Variants in TAF1B observed in about 807,000 individuals in gnomAD.
TAF1B encodes TATA box-binding protein-associated factor RNA polymerase I subunit B.
In TAF1B, 61 loss-of-function variants were observed where a neutral mutation model predicts 83.9. That is an observed-to-expected ratio of 0.73 (90% CI 0.59 to 0.90). The LOEUF is 0.90. Ranked by LOEUF, TAF1B falls within the 40% of genes least tolerant of loss-of-function variation. The pLI is 0.00. For synonymous variants in TAF1B, 221 were observed against 224.6 expected, an observed-to-expected ratio of 0.98 and a Z score of 0.14; for missense variants, 625 against 677.0, an observed-to-expected ratio of 0.92 and a Z score of 0.85.
intron 12 of TAF1B, among the ~76,000 whole-genome samples, chr2:9,918,592 T>A (rs1665772830): frequency 6.6e-6 from 1 of 152,212 alleles, no homozygotes; most frequent in Non-Finnish European, 1.5e-5. Flanking sequence ...TTTCCTGGCA[T>A]CAGATGCCAG....
At chr2:9,854,495 C>A in intron 5 of TAF1B, 74 bp downstream of exon 5, 1 of 1,066,440 alleles carries the variant, frequency 9.4e-7, no homozygotes, top group Non-Finnish European at 1.4e-6. Flanking sequence ...GGGTTCATGA[C>A]CAGTTTGAGT....
chr2:9,850,160 G>T (rs1344703314), intron 3 of TAF1B, among the ~76,000 whole-genome samples: 2 of 151,916 alleles, frequency 1.3e-5, no homozygotes, highest in Non-Finnish European at 2.9e-5. Flanking sequence ...TTTTTATTAG[G>T]CTAAAACCTG....
At chr2:9,864,493 C>T (rs1005056031) in intron 5 of TAF1B, among the ~76,000 whole-genome samples, 3 of 152,212 alleles carry the variant, frequency 2.0e-5, no homozygotes, top group Admixed American at 1.3e-4. Flanking sequence ...GATTCACAGC[C>T]GAATTCTACC....
intron 8 of TAF1B, among the ~76,000 whole-genome samples, chr2:9,891,678 C>T (rs1664878279): frequency 6.6e-6 from 1 of 152,030 alleles, no homozygotes; most frequent in African/African-American, 2.4e-5. Flanking sequence ...CATGTTATTG[C>T]CCCTAACCCC....
At chr2:9,897,651 T>C (rs894561088) in intron 8 of TAF1B, among the ~76,000 whole-genome samples, 2 of 152,196 alleles carry the variant, frequency 1.3e-5, no homozygotes, top group Non-Finnish European at 2.9e-5. Context: ...TTCTTTTGGT[T>C]GAAGGAAGAA....
At chr2:9,877,746 T>C (rs995021351) in intron 7 of TAF1B, among the ~76,000 whole-genome samples, 8 of 152,104 alleles carry the variant, frequency 5.3e-5, no homozygotes, top group Non-Finnish European at 8.8e-5. Context: ...GTGGAGAAAG[T>C]CGTATTTACC....
At chr2:9,845,935 A>G in intron 2 of TAF1B, 1 of 365,540 alleles carries the variant, frequency 2.7e-6, no homozygotes, top group South Asian at 2.3e-5. Flanking sequence ...GTGAGACGAG[A>G]TCACGCCACT....
At chr2:9,866,804 G>A (rs1195313829) in intron 5 of TAF1B, among the ~76,000 whole-genome samples, 1 of 152,272 alleles carries the variant, frequency 6.6e-6, no homozygotes, top group African/African-American at 2.4e-5. Context: ...GGTGAAGCTG[G>A]AAACCATCAT....
At chr2:9,903,223 C>G (rs1395327450) in intron 8 of TAF1B, among the ~76,000 whole-genome samples, 1 of 152,038 alleles carries the variant, frequency 6.6e-6, no homozygotes, top group Non-Finnish European at 1.5e-5. Flanking sequence ...GTAGCTGGGA[C>G]TACAGGCGCC....
At chr2:9,876,498 G>T (rs4669476) in intron 7 of TAF1B, among the ~76,000 whole-genome samples, 1 of 151,954 alleles carries the variant, frequency 6.6e-6, no homozygotes, top group African/African-American at 2.4e-5. Flanking sequence ...GATAGTAAGC[G>T]TTTATATTTT....
At chr2:9,928,353 T>C (rs1187411127) in intron 14 of TAF1B, among the ~76,000 whole-genome samples, 1 of 152,208 alleles carries the variant, frequency 6.6e-6, no homozygotes, top group Non-Finnish European at 1.5e-5. Context: ...GCGGGCTCTT[T>C]TTTGGTTCCA....
At chr2:9,859,211 C>T (rs1663667688) in intron 5 of TAF1B, among the ~76,000 whole-genome samples, 1 of 151,896 alleles carries the variant, frequency 6.6e-6, no homozygotes. Flanking sequence ...GCCAGATACC[C>T]TGAATCATCT....
intron 6 of TAF1B, among the ~76,000 whole-genome samples, chr2:9,870,601 A>G (rs1365307209): frequency 6.6e-6 from 1 of 152,148 alleles, no homozygotes; most frequent in African/African-American, 2.4e-5. Flanking sequence ...CTAGTATTAC[A>G]TCTTGATTTC....
intron 1 of TAF1B, among the ~76,000 whole-genome samples, chr2:9,843,952 G>T (rs1358945019): frequency 6.6e-6 from 1 of 152,110 alleles, no homozygotes; most frequent in Non-Finnish European, 1.5e-5. Context: ...GATGCCGCCG[G>T]GTAACCCCTG....
At chr2:9,923,129 T>G (rs1015904639) in intron 14 of TAF1B, among the ~76,000 whole-genome samples, 3 of 150,888 alleles carry the variant, frequency 2.0e-5, no homozygotes, top group Admixed American at 6.6e-5. Flanking sequence ...TATAATCTAC[T>G]CGGGAGGCTG....
intron 7 of TAF1B, 151 bp downstream of exon 7, chr2:9,876,169 A>G (rs1664316769): frequency 1.4e-6 from 1 of 723,282 alleles, no homozygotes; most frequent in Non-Finnish European, 2.1e-6. Flanking sequence ...CTGAAATGTA[A>G]TCCCCCCTGG....
intron 11 of TAF1B, 41 bp from the exon 12 acceptor site, chr2:9,913,118 T>G: frequency 1.4e-6 from 2 of 1,471,604 alleles, no homozygotes; most frequent in Non-Finnish European, 1.9e-6. Context: ...TATTATAGTG[T>G]GGTTTATTTG....
At chr2:9,875,773 T>C in intron 6 of TAF1B, 92 bp from the exon 7 acceptor site, 1 of 1,360,024 alleles carries the variant, frequency 7.4e-7, no homozygotes, top group Middle Eastern at 1.9e-4. Flanking sequence ...ACCATGTCAA[T>C]ATTTAAAATG....
At chr2:9,859,552 A>T (rs1222556876) in intron 5 of TAF1B, among the ~76,000 whole-genome samples, 1 of 151,696 alleles carries the variant, frequency 6.6e-6, no homozygotes, top group Non-Finnish European at 1.5e-5. Context: ...ATGCCCAACT[A>T]CTTTTTTGTA....
Sources: allele counts gnomAD v4.1 joint callset (sites outside exome capture counted in the v4.1 genomes callset), GRCh38; gene constraint gnomAD v4.1.1; transcripts MANE v1.5; gene names NCBI Gene and HGNC (gene_info 2026-07-23, HGNC 2026-07-21).